Variants in THSD4 observed in about 807,000 individuals in gnomAD.
The protein encoded by THSD4 is thrombospondin type-1 domain-containing protein 4.
In THSD4, 69 loss-of-function variants were observed where a neutral mutation model predicts 119.0. The ratio of observed to expected loss-of-function variants is 0.58; its 90% CI spans 0.48 to 0.71. The LOEUF is 0.71. Among genes scored for constraint, THSD4 ranks in the 30% least tolerant of loss-of-function variants. The pLI, the probability that THSD4 is intolerant of heterozygous loss-of-function variation, is 0.00. For missense variants in THSD4, 1,393 were observed against 1,391.1 expected (o/e 1.00, Z -0.02); for synonymous variants, 524 against 540.4 (o/e 0.97, Z 0.42).
At chr15:71,191,166 C>T (rs1646990987) in intron 3 of THSD4, among the ~76,000 whole-genome samples, 1 of 152,118 alleles carries the variant, frequency 6.6e-6, no homozygotes, top group Admixed American at 6.5e-5. Flanking sequence ...TCCCCAGGGC[C>T]ACCATCTTTG....
intron 7 of THSD4, among the ~76,000 whole-genome samples, chr15:71,510,150 T>A (rs577666891): frequency 1.6e-4 from 24 of 152,294 alleles, no homozygotes; most frequent in Admixed American, 5.9e-4. Context: ...GTTGTTGCAT[T>A]GATAGAACAC....
chr15:71,343,714 G>GGTT (rs1474164932), intron 6 of THSD4, among the ~76,000 whole-genome samples: 5 of 92,614 alleles, frequency 5.4e-5, no homozygotes, highest in African/African-American at 1.5e-4. Context: ...CTCATCTCAG[G>GGTT]ATTTTTTTTT....
chr15:71,188,720 A>T lies in THSD4; in HGVS notation c.100-26315A>T, dbSNP rs561749090. The T allele has an allele frequency of 7.2e-5, 11 of 152,736 alleles. No individual in the cohort carries two copies. The East Asian group carries it at 2.1e-3, about 29-fold the overall frequency. The allele number at this position is 152,736 out of a possible 1,614,324, so 9.5% of individuals were successfully genotyped here. ...GGTGTCTTGGTTTCCAGAAGCCTCC[A>T]GCCAAGAGTTGACATGAGCTTGCTG... On this transcript the variant is annotated intron_variant, in intron 3 of 17. Coordinates refer to ENST00000261862, the MANE Select transcript of THSD4 (RefSeq NM_024817.3).
intron 7 of THSD4, among the ~76,000 whole-genome samples, chr15:71,497,575 T>TATATACATATAATATATAATTTTTTAAA (rs1225129125): frequency 3.3e-4 from 50 of 151,978 alleles, no homozygotes; most frequent in African/African-American, 1.2e-3. Context: ...ATATAAATAA[T>TATATACATATAATATATAATTTTTTAAA]ATATAAATTT....
rs891354546 is a variant in THSD4, at chr15:71,589,996, A to G, written c.1153-70534A>G. The stretch of plus-strand genomic sequence containing the variant: ...ATTTACAGAAACTTTTTAAAAATGT[A>G]AAACAATACCATCAATCATTTCTAG... On this transcript the variant is annotated intron_variant, in intron 7 of 17. Coordinates refer to ENST00000261862, the MANE Select transcript of THSD4 (RefSeq NM_024817.3). Among the ~76,000 whole-genome samples the G allele has an allele frequency of 2.1e-4, 30 of 140,084 alleles. 3 individuals are homozygous for G. Among genetic ancestry groups the G allele is most frequent in the African/African-American group, 6.2e-4 (25 of 40,138 alleles). The allele number at this position is 140,084 out of a possible 152,430, so 91.9% of individuals were successfully genotyped here. A position where few individuals can be genotyped will look rare whatever the true frequency, so the allele number is the denominator to read the frequency against.
At chr15:71,402,181 A>G (rs2140486680) in intron 6 of THSD4, among the ~76,000 whole-genome samples, 1 of 152,086 alleles carries the variant, frequency 6.6e-6, no homozygotes, top group Middle Eastern at 3.4e-3. Context: ...CAGCACACCA[A>G]TACGGCACAT....
chr15:71,290,874 CCT>C lies in THSD4; in HGVS notation c.1015+34160_1015+34161del, dbSNP rs1491136165. ...GTCTGGAAACCTGGTTTCCTTTTTTCCTTTTTTTTTTTTTTTTTGTTAACTTT... is the reference window on the plus strand; with the variant it reads ...GTCTGGAAACCTGGTTTCCTTTTTTCTTTTTTTTTTTTTTTTGTTAACTTT... On this transcript the variant is annotated intron_variant, in intron 6 of 17. Coordinates refer to ENST00000261862, the MANE Select transcript of THSD4 (RefSeq NM_024817.3). 5.0e-3 allele frequency among the ~76,000 whole-genome samples: 455 copies of C among 90,832 alleles called. 1 individual carries two copies. Among genetic ancestry groups the C allele is most frequent in the African/African-American group, 0.017 (436 of 25,072 alleles). 59.6% of individuals were successfully genotyped at this position (90,832 alleles called of 152,430 possible). A position where few individuals can be genotyped will look rare whatever the true frequency, so the allele number is the denominator to read the frequency against.
chr15:71,773,682 C>T (rs1366354471), intron 17 of THSD4, among the ~76,000 whole-genome samples: 5 of 152,300 alleles, frequency 3.3e-5, no homozygotes, highest in Middle Eastern at 3.4e-3. Flanking sequence ...ACACACACTT[C>T]GGTATATCCC....
At chr15:71,132,793 C>T (rs2040515437) in intron 1 of THSD4, among the ~76,000 whole-genome samples, 1 of 152,208 alleles carries the variant, frequency 6.6e-6, no homozygotes, top group African/African-American at 2.4e-5. Flanking sequence ...TTCCCCAACA[C>T]ACGTATGTGT....
chr15:71,107,408 CAAAAG>C (rs1567127364), intron 1 of THSD4, among the ~76,000 whole-genome samples: 1 of 145,802 alleles, frequency 6.9e-6, no homozygotes, highest in Admixed American at 6.8e-5. Flanking sequence ...AGAAAGAAAG[CAAAAG>C]AAAAGAAAGA....
At chr15:71,684,490 A>G (rs1377250517) in intron 8 of THSD4, among the ~76,000 whole-genome samples, 1 of 151,044 alleles carries the variant, frequency 6.6e-6, no homozygotes, top group African/African-American at 2.4e-5. Flanking sequence ...TCATTGGGGT[A>G]AGAAAGTCTA....
chr15:71,467,160 C>T (rs2047512488), intron 7 of THSD4, among the ~76,000 whole-genome samples: 1 of 152,180 alleles, frequency 6.6e-6, no homozygotes. Context: ...AATCTATTTT[C>T]CACAAAAGTC....
At chr15:71,365,384 G>A (rs1340710365) in intron 6 of THSD4, among the ~76,000 whole-genome samples, 1 of 151,978 alleles carries the variant, frequency 6.6e-6, no homozygotes, top group Non-Finnish European at 1.5e-5. Flanking sequence ...TGGTAACCCA[G>A]GCATGACTCC....
intron 7 of THSD4, among the ~76,000 whole-genome samples, chr15:71,653,305 G>C (rs1595831124): frequency 6.6e-6 from 1 of 152,180 alleles, no homozygotes; most frequent in South Asian, 2.1e-4. Flanking sequence ...ATTTACAAAG[G>C]CTGTTTGTGC....
chr15:71,417,303 T>TTTA (rs1309046876), intron 7 of THSD4, among the ~76,000 whole-genome samples: 1 of 108,238 alleles, frequency 9.2e-6, no homozygotes, highest in East Asian at 3.1e-4. Flanking sequence ...TCAAGAAATC[T>TTTA]CTGCCCAGTC....
intron 7 of THSD4, among the ~76,000 whole-genome samples, chr15:71,450,753 A>G (rs1473309480): frequency 6.6e-6 from 1 of 152,206 alleles, no homozygotes; most frequent in Non-Finnish European, 1.5e-5. Context: ...TTAAATTGAC[A>G]TAAGACAGAT....
chr15:71,378,193 C>T (rs1048736544), intron 6 of THSD4, among the ~76,000 whole-genome samples: 3 of 152,060 alleles, frequency 2.0e-5, no homozygotes, highest in African/African-American at 7.2e-5. Flanking sequence ...TTTATTAGAA[C>T]AACTTTCTGG....
chr15:71,560,304 A>G (rs1018595923), intron 7 of THSD4, among the ~76,000 whole-genome samples: 2 of 152,194 alleles, frequency 1.3e-5, no homozygotes, highest in Non-Finnish European at 1.5e-5. Context: ...CAAAATAAAC[A>G]ATTCTGAATT....
chr15:71,331,214 A>AGG (rs2045416679), intron 6 of THSD4, among the ~76,000 whole-genome samples: 2 of 152,192 alleles, frequency 1.3e-5, no homozygotes, highest in African/African-American at 4.8e-5. Context: ...ATGGTGACAG[A>AGG]GGGGCGGCTG....
Sources: allele counts gnomAD v4.1 joint callset (sites outside exome capture counted in the v4.1 genomes callset), GRCh38; gene constraint gnomAD v4.1.1; transcripts MANE v1.5; gene names NCBI Gene and HGNC (gene_info 2026-07-23, HGNC 2026-07-21).